Variants in BDP1 observed in about 807,000 individuals in gnomAD.
BDP1 encodes the protein BDP1 general transcription factor IIIB subunit.
BDP1 carries 169 observed loss-of-function variants against 266.6 expected under a neutral mutation model. The ratio of observed to expected loss-of-function variants is 0.63; its 90% confidence interval spans 0.56 to 0.72. The LOEUF (loss-of-function observed/expected upper bound fraction) is 0.72. Among genes scored for constraint, BDP1 ranks in the 30% least tolerant of loss-of-function variants. The probability of loss-of-function intolerance (pLI) is 0.00; values close to 1 mark genes in which losing one functional copy is unlikely to be tolerated. For synonymous variants in BDP1, 1,090 were observed against 1,022.4 expected (o/e 1.07, Z -1.26); for missense variants, 3,015 against 3,053.8 (o/e 0.99, Z 0.30).
At position 71,495,312 on chromosome 5, in the gene BDP1, C is replaced by T. The variant is rs2150421638; in HGVS notation, c.1703C>T (p.Pro568Leu). The T allele has an allele frequency of 6.2e-7, 1 of 1,607,012 alleles. No individual in the cohort carries two copies. Among genetic ancestry groups the T allele is most frequent in the African/African-American group, 1.3e-5 (1 of 74,870 alleles). Reference sequence around the variant, plus strand: ...TCAGAATCAAGCACTTCAGATTTGCCTTCATTCGAAGTTGGAATTAGAGCA... The same window carrying T: ...TCAGAATCAAGCACTTCAGATTTGCTTTCATTCGAAGTTGGAATTAGAGCA... ...ESSESSTSDL[P>L]SFEVGIRALC... Residue 568 changes from proline to leucine, a missense_variant, in exon 12 of 39, where the codon CCT becomes CTT. Pro to Leu is a moderately conservative substitution (Grantham distance 98). Around this residue, in one of 3 missense-constraint regions of BDP1, gnomAD observed 2,383 missense variants for 2,404.9 expected, o/e 0.99. Coordinates refer to ENST00000358731, the MANE Select transcript of BDP1 (RefSeq NM_018429.3).
At chr5:71,464,194 G>A (rs1292393803) in intron 4 of BDP1, 77 bp downstream of exon 4, 4 of 907,270 alleles carry the variant, frequency 4.4e-6, no homozygotes, top group Non-Finnish European at 6.7e-6. Context: ...TCCTGTTATA[G>A]TTGAATTACA....
At position 71,566,311 on chromosome 5, in the gene BDP1, G is replaced by C. The variant is rs1441612124; in HGVS notation, c.*1426G>C. ...CCATTAAATTCTCAAGGAACACTTGGATCTTTAAGCACGGAACATAATCAT... is the reference window on the plus strand; with the variant it reads ...CCATTAAATTCTCAAGGAACACTTGCATCTTTAAGCACGGAACATAATCAT... On this transcript the variant is annotated 3_prime_UTR_variant, in exon 39 of 39. Transcript: ENST00000358731. 6.6e-6 allele frequency: 1 copy of C among 152,428 alleles called. No individual in the cohort carries two copies. The allele number at this position is 152,428 out of a possible 1,614,324, so 9.4% of individuals were successfully genotyped here.
At chr5:71,490,448 A>ACCTT (rs1393316381) in intron 10 of BDP1, among the ~76,000 whole-genome samples, 1 of 152,180 alleles carries the variant, frequency 6.6e-6, no homozygotes, top group African/African-American at 2.4e-5. Context: ...AATCAAACAG[A>ACCTT]CCTTGCTTTA....
rs34252624 is a variant in BDP1, at chr5:71,513,063, CAAAAAAAAAAAAAAAA to C, written c.4248-112_4248-97del. 2.4e-5 allele frequency: 10 copies of C among 416,756 alleles called. No homozygotes were observed. The African/African-American group carries it at 3.6e-4, about 15-fold the overall frequency. 25.8% of individuals were successfully genotyped at this position (416,756 alleles called of 1,614,324 possible). On this transcript the variant is annotated intron_variant, in intron 18 of 38. Transcript: ENST00000358731. The stretch of plus-strand genomic sequence containing the variant: ...GGGGGATAGAACAAGACCCTGTCTC[CAAAAAAAAAAAAAAAA>C]AAAAAAAAATTAAATGTTTACCGCC...
chr5:71,465,786 C>T (rs964437217), intron 4 of BDP1, among the ~76,000 whole-genome samples: 4 of 152,004 alleles, frequency 2.6e-5, no homozygotes, highest in African/African-American at 9.7e-5. Flanking sequence ...GAGGCTGAGG[C>T]AGTAGAATGG....
intron 37 of BDP1, 146 bp downstream of exon 37, chr5:71,560,383 G>A: frequency 4.5e-6 from 4 of 882,772 alleles, no homozygotes; most frequent in Non-Finnish European, 6.6e-6. Context: ...TTTCAGCCAA[G>A]GAAATACAGT....
intron 33 of BDP1, 97 bp downstream of exon 33, chr5:71,548,842 G>C (rs931552167): frequency 1.4e-5 from 12 of 881,588 alleles, no homozygotes; most frequent in Non-Finnish European, 2.0e-5. Flanking sequence ...TTGTATTTTA[G>C]TCTATGCTGG....
At chr5:71,576,734 GCTT>G in the BDP1 span, among the ~76,000 whole-genome samples, 22 of 152,184 alleles carry the variant, frequency 1.4e-4, no homozygotes, top group African/African-American at 2.7e-4. Context: ...AGCTTTTAAT[GCTT>G]CTTCTTTATA....
At chr5:71,500,322 T>C (rs1467102844) in intron 13 of BDP1, among the ~76,000 whole-genome samples, 4 of 68,430 alleles carry the variant, frequency 5.8e-5, no homozygotes, top group African/African-American at 1.1e-4. Context: ...GTTTCTTTTT[T>C]TTTTTTTTTT....
intron 16 of BDP1, among the ~76,000 whole-genome samples, chr5:71,506,647 G>A (rs1764590804): frequency 6.6e-6 from 1 of 151,648 alleles, no homozygotes; most frequent in South Asian, 2.1e-4. Flanking sequence ...AAACTAGTGA[G>A]TATTTCTTTG....
chr5:71,526,184 C>T (rs1765857866), intron 25 of BDP1, among the ~76,000 whole-genome samples: 1 of 152,152 alleles, frequency 6.6e-6, no homozygotes, highest in African/African-American at 2.4e-5. Flanking sequence ...CGTCTGCCAT[C>T]CCGGCACCTC....
rs532677472 is a variant in BDP1 at position 71,481,883 on chromosome 5, A to G, written c.1015-1959A>G. On this transcript the variant is annotated intron_variant, in intron 7 of 38. Transcript: ENST00000358731. ...TAAGTGAGAGAAGGGAATGCATTGC[A>G]TACAGTGGCTGCTTTAATGCATTAG... Among the ~76,000 whole-genome samples the G allele has an allele frequency of 6.6e-5, 10 of 152,346 alleles. No homozygotes were observed. The East Asian group carries it at 9.6e-4, about 15-fold the overall frequency.
chr5:71,555,110 T>G (rs1743123964), intron 35 of BDP1, among the ~76,000 whole-genome samples: 1 of 152,228 alleles, frequency 6.6e-6, no homozygotes, highest in African/African-American at 2.4e-5. Flanking sequence ...TTTATCAGTC[T>G]TTTTGTGTAT....
chr5:71,480,853 C>T (rs1762912009), intron 7 of BDP1, among the ~76,000 whole-genome samples: 1 of 152,204 alleles, frequency 6.6e-6, no homozygotes. Flanking sequence ...AAGTGAACCA[C>T]CATGCCCGGC....
chr5:71,496,438 A>ATT (rs10682137), intron 12 of BDP1, among the ~76,000 whole-genome samples: 6,261 of 138,602 alleles, frequency 0.045, 204 homozygotes, highest in African/African-American at 0.077. Flanking sequence ...ACATTTATGA[A>ATT]TTTTTTTTTT....
At chr5:71,552,346 G>C (rs1437507707) in intron 34 of BDP1, among the ~76,000 whole-genome samples, 1 of 152,110 alleles carries the variant, frequency 6.6e-6, no homozygotes, top group African/African-American at 2.4e-5. Context: ...TGGGATGGCC[G>C]CCGGGCAGAG....
chr5:71,481,694 T>C (rs1762979911), intron 7 of BDP1, among the ~76,000 whole-genome samples: 1 of 152,230 alleles, frequency 6.6e-6, no homozygotes, highest in Admixed American at 6.5e-5. Context: ...ATCTAGGACA[T>C]CCTTTCTCCA....
chr5:71,573,895 T>C, the BDP1 span, among the ~76,000 whole-genome samples: 2 of 152,218 alleles, frequency 1.3e-5, no homozygotes. Flanking sequence ...AGGAACCCTA[T>C]GTACAATTTC....
At chr5:71,546,822 C>T (rs1220047410) in intron 32 of BDP1, among the ~76,000 whole-genome samples, 1 of 148,784 alleles carries the variant, frequency 6.7e-6, no homozygotes, top group Non-Finnish European at 1.5e-5. Context: ...TCCAGTTTCC[C>T]TAGTTGTCCC....
Sources: gnomAD v4.1 joint callset for allele counts (sites outside exome capture counted in the v4.1 genomes callset) on GRCh38, gnomAD v4.1.1 for gene constraint, gnomAD v4.1.1 regional missense constraint, MANE v1.5 for transcripts, NCBI Gene and HGNC (gene_info 2026-07-23, HGNC 2026-07-21) for gene names.